The following NFATC3 variants were observed in gnomAD, a reference collection of about 807,000 sequenced individuals.
NFATC3 encodes the protein nuclear factor of activated T-cells, cytoplasmic 3.
A neutral mutation model predicts 98.6 loss-of-function variants in NFATC3; 46 were observed. The observed-to-expected ratio is 0.47, with a 90% CI of 0.37 to 0.60. The LOEUF is 0.60. Ranked by LOEUF, NFATC3 falls within the 20% of genes least tolerant of loss-of-function variation. The probability of loss-of-function intolerance (pLI) is 0.00; values close to 1 mark genes in which losing one functional copy is unlikely to be tolerated. For missense variants in NFATC3, 1,256 were observed against 1,295.5 expected, an observed-to-expected ratio of 0.97 and a Z score of 0.47; for synonymous variants, 512 against 472.2, an observed-to-expected ratio of 1.08 and a Z score of -1.09.
At chr16:68,174,294 C>T in intron 5 of NFATC3, 80 bp from the exon 6 acceptor site, 4 of 1,144,358 alleles carry the variant, frequency 3.5e-6, no homozygotes, top group Non-Finnish European at 4.6e-6. Flanking sequence ...CTTTTTGTAG[C>T]TTGAGTTTGT....
chr16:68,206,405 C>T (rs1001891909), intron 9 of NFATC3, among the ~76,000 whole-genome samples: 21 of 152,106 alleles, frequency 1.4e-4, no homozygotes, highest in African/African-American at 3.9e-4. Context: ...ATTTCCTTCC[C>T]GTCCTCCCAG....
chr16:68,210,287 G>T (rs2041326169), intron 9 of NFATC3, among the ~76,000 whole-genome samples: 1 of 140,158 alleles, frequency 7.1e-6, no homozygotes, highest in Non-Finnish European at 1.5e-5. Context: ...GACAGAGTGA[G>T]ATTCCTTCTC....
chr16:68,135,503 G>A (rs915748617), intron 3 of NFATC3, among the ~76,000 whole-genome samples: 1 of 147,036 alleles, frequency 6.8e-6, no homozygotes, highest in Non-Finnish European at 1.5e-5. Context: ...TTGTGTACTT[G>A]TTGCTGAGAA....
At chr16:68,138,774 C>T in intron 3 of NFATC3, 1 of 1,273,886 alleles carries the variant, frequency 7.9e-7, no homozygotes, top group East Asian at 5.6e-5. Context: ...ATATAGAACT[C>T]TATACTTAAA....
chr16:68,113,418 G>GT (rs2036090647), intron 1 of NFATC3, among the ~76,000 whole-genome samples: 1 of 152,210 alleles, frequency 6.6e-6, no homozygotes, highest in Non-Finnish European at 1.5e-5. Context: ...GCACCTGGAG[G>GT]TATAAGCAGT....
intron 5 of NFATC3, among the ~76,000 whole-genome samples, chr16:68,169,945 A>G (rs1180594075): frequency 6.6e-6 from 1 of 152,164 alleles, no homozygotes; most frequent in Admixed American, 6.5e-5. Flanking sequence ...ATCTCAAAAG[A>G]AAGAAAGGAA....
intron 1 of NFATC3, among the ~76,000 whole-genome samples, chr16:68,121,293 C>T (rs2036567502): frequency 7.4e-6 from 1 of 134,884 alleles, no homozygotes; most frequent in Admixed American, 8.3e-5. Flanking sequence ...GTCACCCAGG[C>T]TGGAGTACAG....
chr16:68,220,835 C>T (rs1052882665), intron 9 of NFATC3, among the ~76,000 whole-genome samples: 7 of 150,708 alleles, frequency 4.6e-5, no homozygotes, highest in Middle Eastern at 3.5e-3. Flanking sequence ...AAGAGAATGG[C>T]GTGAACTTGG....
intron 1 of NFATC3, among the ~76,000 whole-genome samples, chr16:68,088,020 A>G (rs2034484833): frequency 6.6e-6 from 1 of 152,210 alleles, no homozygotes; most frequent in East Asian, 1.9e-4. Flanking sequence ...AGTTTTCAGA[A>G]TTACTTGTTC....
intron 9 of NFATC3, 99 bp from the exon 10 acceptor site, chr16:68,226,251 C>A: frequency 7.2e-7 from 1 of 1,392,306 alleles, no homozygotes; most frequent in Non-Finnish European, 9.6e-7. Flanking sequence ...TTACAGAAAG[C>A]CATGGGAAGG....
At chr16:68,207,310 CAA>C (rs112021651) in intron 9 of NFATC3, among the ~76,000 whole-genome samples, 11 of 114,956 alleles carry the variant, frequency 9.6e-5, no homozygotes, top group Non-Finnish European at 9.0e-5. Flanking sequence ...AACTCCATCT[CAA>C]AAAAAAAAAA....
intron 9 of NFATC3, among the ~76,000 whole-genome samples, chr16:68,218,917 T>A (rs912973849): frequency 6.6e-6 from 1 of 151,708 alleles, no homozygotes; most frequent in Non-Finnish European, 1.5e-5. Flanking sequence ...GCTTCATTTT[T>A]AAAATACATT....
intron 8 of NFATC3, among the ~76,000 whole-genome samples, chr16:68,183,740 A>C (rs191221274): frequency 4.6e-5 from 7 of 152,306 alleles, no homozygotes; most frequent in Non-Finnish European, 1.0e-4. Context: ...GCAGTGGCTC[A>C]TGCCTGTAAT....
chr16:68,206,477 A>G (rs2041148975), intron 9 of NFATC3, among the ~76,000 whole-genome samples: 1 of 152,232 alleles, frequency 6.6e-6, no homozygotes, highest in Non-Finnish European at 1.5e-5. Flanking sequence ...GATACTTCAT[A>G]TAAGTGGGAT....
intron 3 of NFATC3, among the ~76,000 whole-genome samples, chr16:68,150,609 C>T (rs1172438230): frequency 6.6e-6 from 1 of 151,790 alleles, no homozygotes; most frequent in Non-Finnish European, 1.5e-5. Context: ...TAATTGACTA[C>T]ACGTATAATT....
At chr16:68,116,633 G>A (rs188140613) in intron 1 of NFATC3, among the ~76,000 whole-genome samples, 138 of 152,316 alleles carry the variant, frequency 9.1e-4, no homozygotes, top group African/African-American at 2.9e-3. Context: ...AATTTTGTGT[G>A]CAGGTCTCTG....
chr16:68,098,307 T>TA (rs1374453596), intron 1 of NFATC3, among the ~76,000 whole-genome samples: 4 of 137,882 alleles, frequency 2.9e-5, no homozygotes, highest in Non-Finnish European at 4.6e-5. Context: ...ATTATTTTTT[T>TA]TTTTTTTTTT....
chr16:68,201,668 C>T (rs985576852), intron 9 of NFATC3, among the ~76,000 whole-genome samples: 2 of 151,170 alleles, frequency 1.3e-5, no homozygotes, highest in South Asian at 2.1e-4. Flanking sequence ...AAGATTATAG[C>T]GGCCAGACAC....
chr16:68,097,336 A>C (rs1315791310), intron 1 of NFATC3, among the ~76,000 whole-genome samples: 2 of 152,256 alleles, frequency 1.3e-5, no homozygotes, highest in African/African-American at 4.8e-5. Context: ...TACAAAGTGC[A>C]AAGTATAAAG....
Sources: allele counts gnomAD v4.1 joint callset (sites outside exome capture counted in the v4.1 genomes callset), GRCh38; gene constraint gnomAD v4.1.1; transcripts MANE v1.5; gene names NCBI Gene and HGNC (gene_info 2026-07-23, HGNC 2026-07-21).